Variants in INTS13 observed in about 807,000 individuals in gnomAD.
The protein encoded by INTS13 is integrator complex subunit 13.
INTS13 carries 35 observed loss-of-function variants against 90.2 expected under a neutral mutation model. That is an observed-to-expected ratio of 0.39 (90% CI 0.30 to 0.51). The LOEUF is 0.51. Ranked by LOEUF, INTS13 falls within the 20% of genes least tolerant of loss-of-function variation. INTS13 has a pLI of 0.80. For synonymous variants in INTS13, 309 were observed against 277.1 expected, an observed-to-expected ratio of 1.11 and a Z score of -1.14; for missense variants, 601 against 851.2, an observed-to-expected ratio of 0.71 and a Z score of 3.66.
chr12:26,909,098 T>C (rs537470945), intron 15 of INTS13, among the ~76,000 whole-genome samples: 9 of 152,300 alleles, frequency 5.9e-5, no homozygotes, highest in Admixed American at 3.3e-4. Context: ...CAGGGACTCA[T>C]GCCTGTAATC....
At chr12:26,928,066 GATCAAACATACA>G in intron 5 of INTS13, 127 bp downstream of exon 5, 1 of 523,566 alleles carries the variant, frequency 1.9e-6, no homozygotes, top group Non-Finnish European at 3.2e-6. Flanking sequence ...AAAAGTTTCT[GATCAAACATACA>G]TTTTTTGACT....
At chr12:26,932,924 TA>T (rs2136317781) in intron 3 of INTS13, among the ~76,000 whole-genome samples, 1 of 152,252 alleles carries the variant, frequency 6.6e-6, no homozygotes, top group South Asian at 2.1e-4. Context: ...TGCTTTTAAA[TA>T]AGACTGTCTA....
intron 3 of INTS13, among the ~76,000 whole-genome samples, chr12:26,931,182 C>A (rs1392537221): frequency 6.6e-6 from 1 of 151,512 alleles, no homozygotes; most frequent in Non-Finnish European, 1.5e-5. Context: ...GTGGCTCATG[C>A]CTGTAATCCC....
intron 15 of INTS13, among the ~76,000 whole-genome samples, 182 bp downstream of exon 15, chr12:26,910,996 C>T (rs1045216929): frequency 1.1e-4 from 16 of 152,068 alleles, no homozygotes; most frequent in Admixed American, 7.9e-4. Flanking sequence ...TCACCATGCC[C>T]GCCTAATTTT....
chr12:26,928,297 A>G lies in INTS13; in HGVS notation c.504-12T>C. The G allele has an allele frequency of 6.3e-7, 1 of 1,597,738 alleles. No homozygotes were observed. The highest frequency in any genetic ancestry group is 8.6e-7 in the Non-Finnish European group (1 of 1,166,240). ...GCACATGACTATCACTATGGCATAA[A>G]AAAGATATAGCAAATTTAAAGGAAT... is the stretch of plus-strand genomic sequence containing the variant. On this transcript the variant is annotated splice_polypyrimidine_tract_variant and intron_variant, in intron 4 of 16. Transcript: ENST00000261191.
intron 1 of INTS13, 64 bp downstream of exon 1, chr12:26,937,732 G>A (rs1231772909): frequency 1.3e-5 from 2 of 152,568 alleles, no homozygotes; most frequent in East Asian, 3.8e-4. Flanking sequence ...CTTTGCTGGA[G>A]GGTGGGGGGT....
chr12:26,905,940 G>A (rs181580579), intron 16 of INTS13, among the ~76,000 whole-genome samples: 2 of 152,180 alleles, frequency 1.3e-5, no homozygotes, highest in East Asian at 3.9e-4. Flanking sequence ...AATCAGATCT[G>A]AGATTTATTT....
intron 15 of INTS13, among the ~76,000 whole-genome samples, chr12:26,908,356 T>A (rs990149995): frequency 6.6e-6 from 1 of 152,232 alleles, no homozygotes; most frequent in Non-Finnish European, 1.5e-5. Flanking sequence ...AATATTGTCA[T>A]ATATATTTTA....
rs546059177 is a variant in INTS13, at chr12:26,906,799, C to T, written c.1946-362G>A. On this transcript the variant is annotated intron_variant, in intron 15 of 16. Transcript: ENST00000261191. ...ACTGGCAGAATCCATTTGCAGGCTT[C>T]CCATGCTCACTCTCTCCAATGAGGT... is the stretch of plus-strand genomic sequence containing the variant. Among the ~76,000 whole-genome samples, 28 of 152,318 alleles carry T rather than the reference C, an allele frequency of 1.8e-4. No homozygotes were observed. The East Asian group carries it at 1.9e-3, about 10-fold the overall frequency.
intron 8 of INTS13, chr12:26,918,997 C>T: frequency 2.8e-6 from 1 of 360,516 alleles, no homozygotes; most frequent in South Asian, 2.1e-5. Context: ...GACCCTGTCT[C>T]TATGGAAAAA....
At chr12:26,915,910 C>A (rs916530767) in intron 11 of INTS13, 92 bp downstream of exon 11, 5 of 899,538 alleles carry the variant, frequency 5.6e-6, no homozygotes, top group African/African-American at 1.7e-5. Flanking sequence ...CTCTTTTTTT[C>A]CACAGACCTT....
intron 14 of INTS13, among the ~76,000 whole-genome samples, chr12:26,911,720 A>G (rs1183207777): frequency 6.6e-6 from 1 of 152,198 alleles, no homozygotes; most frequent in Non-Finnish European, 1.5e-5. Context: ...TCTCTAGTCT[A>G]TGTATTGTGT....
At chr12:26,907,524 A>T (rs1951644729) in intron 15 of INTS13, among the ~76,000 whole-genome samples, 1 of 152,220 alleles carries the variant, frequency 6.6e-6, no homozygotes, top group African/African-American at 2.4e-5. Context: ...AGCCTTTGTG[A>T]CCCTGGGTTA....
intron 3 of INTS13, among the ~76,000 whole-genome samples, chr12:26,932,365 A>G (rs1938242093): frequency 6.6e-6 from 1 of 152,192 alleles, no homozygotes; most frequent in Non-Finnish European, 1.5e-5. Flanking sequence ...ACAGTGGGGA[A>G]AGGCAAGATA....
In INTS13 at chr12:26,929,101, C is replaced by T. The variant is rs933678448; in HGVS notation, c.301-196G>A. The T allele has an allele frequency of 9.9e-5, 53 of 537,778 alleles. No homozygotes were observed. The South Asian group carries it at 1.2e-3, about 12-fold the overall frequency. 33.3% of individuals were successfully genotyped at this position (537,778 alleles called of 1,614,324 possible). A position where few individuals can be genotyped will look rare whatever the true frequency, so the allele number is the denominator to read the frequency against. On this transcript the variant is annotated intron_variant, in intron 3 of 16. Transcript: ENST00000261191. ...ACAAGTGGGATTTATTCTAGGAATG[C>T]AAAGTTTATTTAATATGCAAATATC...
At chr12:26,924,534 G>A (rs946562830) in intron 6 of INTS13, 51 bp from the exon 7 acceptor site, 10 of 1,523,184 alleles carry the variant, frequency 6.6e-6, no homozygotes, top group Non-Finnish European at 8.9e-6. Context: ...AATTCATTGT[G>A]ACCTACTGCT....
chr12:26,935,657 G>C (rs1436095335), intron 2 of INTS13, among the ~76,000 whole-genome samples: 1 of 152,172 alleles, frequency 6.6e-6, no homozygotes, highest in African/African-American at 2.4e-5. Context: ...CGAAGCCTGC[G>C]CTCCAAATCA....
In INTS13 at chr12:26,913,526, T is replaced by C; in HGVS notation, c.1736A>G (p.Asp579Gly). The C allele has an allele frequency of 6.2e-7, 1 of 1,614,152 alleles. No individual in the cohort carries two copies. Among genetic ancestry groups the C allele is most frequent in the Non-Finnish European group, 8.5e-7 (1 of 1,180,014 alleles). Residue 579 changes from aspartate (D) to glycine (G), a missense_variant, in exon 14 of 17, where the codon GAC (aspartate) becomes GGC (glycine). Physicochemically the swap from Asp to Gly is moderately conservative, Grantham distance 94. Coordinates refer to ENST00000261191, the MANE Select transcript of INTS13 (RefSeq NM_018164.3). Reference sequence around the variant, plus strand: ...TGCTTTCTCTGACTTGTCCTCTTTGTCTTCCCTCTTTCTTCCTCGTTTCTT... The same window carrying C: ...TGCTTTCTCTGACTTGTCCTCTTTGCCTTCCCTCTTTCTTCCTCGTTTCTT... ...ERKKRGRKRE[D>G]KEDKSEKAVK...
Position 26,914,498 on chromosome 12 carries a change from G to C in INTS13, c.1329C>G (p.Val443=). 6.2e-7 allele frequency: 1 copy of C among 1,613,834 alleles called. No individual in the cohort carries two copies. Among genetic ancestry groups the C allele is most frequent in the Non-Finnish European group, 8.5e-7 (1 of 1,179,868 alleles). The change falls in exon 12 of 17, where the codon GTC becomes GTG. Residue 443 remains valine (V), a synonymous_variant. Coordinates refer to ENST00000261191, the MANE Select transcript of INTS13 (RefSeq NM_018164.3). ...PRYKIDGSLE[V]PLERAKDQLE... The stretch of plus-strand genomic sequence containing the variant: ...ACTGATCTTTTGCTCGTTCCAAAGG[G>C]ACCTCAAGACTTCCATCGATTTTAT...
Sources: allele counts gnomAD v4.1 joint callset (sites outside exome capture counted in the v4.1 genomes callset), GRCh38; gene constraint gnomAD v4.1.1; transcripts MANE v1.5; gene names NCBI Gene and HGNC (gene_info 2026-07-23, HGNC 2026-07-21).